The following RET variants were observed in gnomAD, a reference collection of about 807,000 sequenced individuals.
RET encodes proto-oncogene tyrosine-protein kinase receptor Ret.
Under a neutral mutation model 118.3 loss-of-function variants are expected in RET, and 19 were observed. The observed-to-expected ratio is 0.16, with a 90% confidence interval of 0.11 to 0.24. RET has a LOEUF of 0.24. Ranked by LOEUF, RET falls within the 10% of genes least tolerant of loss-of-function variation. The pLI, the probability that RET is intolerant of heterozygous loss-of-function variation, is 1.00. For synonymous variants in RET, 597 were observed against 644.1 expected, an observed-to-expected ratio of 0.93 and a Z score of 1.11; for missense variants, 1,219 against 1,502.1, an observed-to-expected ratio of 0.81 and a Z score of 3.12.
In RET at chr10:43,106,525, G is replaced by C; in HGVS notation, c.1017G>C (p.Ser339=). 2 of 1,613,780 alleles carry C rather than the reference G, an allele frequency of 1.2e-6. No homozygotes were observed. The highest frequency in any genetic ancestry group is 2.2e-5 in the South Asian group (2 of 91,062). Residue 339 remains serine, a synonymous_variant, in exon 5 of 20, where the codon TCG becomes TCC. Coordinates refer to ENST00000355710, the MANE Select transcript of RET (RefSeq NM_020975.6). The surrounding 1 kb of genome is among the most constrained non-coding windows in gnomAD (Gnocchi z 5.1). Reference sequence around the variant, plus strand: ...TGGAACACTGGCCCAACGAGACCTCGGTCCAGGCCAACGGCAGCTTCGTGC... The same window carrying C: ...TGGAACACTGGCCCAACGAGACCTCCGTCCAGGCCAACGGCAGCTTCGTGC... ...FRVEHWPNET[S]VQANGSFVRA...
Position 43,120,165 on chromosome 10 carries a change from G to T in RET, c.2692G>T (p.Asp898Tyr), listed in dbSNP as rs587780810. ...GATTTCGGATTTCGGCTTGTCCCGAGATGTTTATGAAGAGGATTCCTACGT... is the reference window on the plus strand; with the variant it reads ...GATTTCGGATTTCGGCTTGTCCCGATATGTTTATGAAGAGGATTCCTACGT... Reference protein sequence around the residue: ...MKISDFGLSRDVYEEDSYVKR... With the variant: ...MKISDFGLSRYVYEEDSYVKR... Residue 898 changes from aspartate (D) to tyrosine (Y), a missense_variant, in exon 15 of 20, where the codon GAT becomes TAT. Physicochemically the swap from Asp to Tyr is radical, Grantham distance 160. Coordinates refer to ENST00000355710, the MANE Select transcript of RET (RefSeq NM_020975.6). 4 of 1,613,700 alleles carry T rather than the reference G, an allele frequency of 2.5e-6. No individual in the cohort carries two copies. Among genetic ancestry groups the T allele is most frequent in the South Asian group, 1.1e-5 (1 of 91,046 alleles).
chr10:43,125,994 G>A (rs976191824), intron 18 of RET, among the ~76,000 whole-genome samples: 2 of 152,218 alleles, frequency 1.3e-5, no homozygotes, highest in African/African-American at 2.4e-5. Context: ...AGGAGCAGAC[G>A]CCAGTGGCCC....
At chr10:43,104,457 C>A (rs1472735373) in intron 3 of RET, among the ~76,000 whole-genome samples, 1 of 152,112 alleles carries the variant, frequency 6.6e-6, no homozygotes, top group Non-Finnish European at 1.5e-5. Flanking sequence ...TTGGAGGTTG[C>A]AGTGAGCCAA....
chr10:43,119,197 G>C (rs1236799723), intron 13 of RET, among the ~76,000 whole-genome samples: 1 of 152,198 alleles, frequency 6.6e-6, no homozygotes, highest in Non-Finnish European at 1.5e-5. Context: ...TCCCCAGCCT[G>C]CACTGGGGCA....
In RET at chr10:43,112,656, T is replaced by C. The variant is rs183314951; in HGVS notation, c.1649-197T>C. Among the ~76,000 whole-genome samples the C allele has an allele frequency of 8.6e-4, 131 of 152,256 alleles. 1 individual carries two copies. The East Asian group carries it at 0.023, about 27-fold the overall frequency. On this transcript the variant is annotated intron_variant, in intron 8 of 19. Coordinates refer to ENST00000355710, the MANE Select transcript of RET (RefSeq NM_020975.6). ...CTCTTTGCTGTAAGGGCCACCTGTG[T>C]GAGGAACCCCCCATACCTCCTCTCC...
At chr10:43,112,730 T>G in intron 8 of RET, 123 bp from the exon 9 acceptor site, 1 of 758,494 alleles carries the variant, frequency 1.3e-6, no homozygotes, top group South Asian at 1.5e-5. Flanking sequence ...GCTCTGTATA[T>G]GGTGTTTCCC....
rs997063564 is a variant in RET, at chr10:43,106,884, C to T, written c.1063+313C>T. ...CTGCAAACACACATGTCACCTGAGG[C>T]TTTCCTCCAGCCCCTGGCACTCCAT... On this transcript the variant is annotated intron_variant, in intron 5 of 19. Coordinates refer to ENST00000355710, the MANE Select transcript of RET (RefSeq NM_020975.6). The surrounding 1 kb of genome is among the most constrained non-coding windows in gnomAD (Gnocchi z 5.1). Among the ~76,000 whole-genome samples the T allele has an allele frequency of 6.6e-6, 1 of 152,234 alleles. No homozygotes were observed. Among genetic ancestry groups the T allele is most frequent in the Admixed American group, 6.5e-5 (1 of 15,290 alleles).
chr10:43,093,307 G>C (rs1460254214), intron 1 of RET, among the ~76,000 whole-genome samples: 2 of 152,170 alleles, frequency 1.3e-5, no homozygotes, highest in Non-Finnish European at 2.9e-5. Context: ...GTTGGACAGG[G>C]GTGGCAGAGG....
At chr10:43,091,365 A>G (rs1837406036) in intron 1 of RET, among the ~76,000 whole-genome samples, 1 of 151,916 alleles carries the variant, frequency 6.6e-6, no homozygotes, top group Non-Finnish European at 1.5e-5. Flanking sequence ...GCGGTGGCTC[A>G]CTCCTGTAAT....
chr10:43,099,557 TAAAA>T (rs1399152308), intron 1 of RET, among the ~76,000 whole-genome samples: 47 of 150,226 alleles, frequency 3.1e-4, no homozygotes, highest in African/African-American at 2.5e-4. Context: ...AATAAATAAA[TAAAA>T]ATTACATAGA....
intron 1 of RET, among the ~76,000 whole-genome samples, chr10:43,098,990 A>G (rs1837578221): frequency 1.3e-5 from 2 of 152,166 alleles, no homozygotes; most frequent in Non-Finnish European, 2.9e-5. Context: ...TGATAACTGT[A>G]TATTATTTTC....
chr10:43,089,099 C>T (rs1837356422), intron 1 of RET, among the ~76,000 whole-genome samples: 2 of 152,222 alleles, frequency 1.3e-5, no homozygotes, highest in African/African-American at 4.8e-5. Flanking sequence ...CCCCTTGGCC[C>T]CTCAGCCTGG....
Position 43,118,258 on chromosome 10 carries a change from C to G in RET, c.2285-115C>G, listed in dbSNP as rs370094559. The G allele has an allele frequency of 2.9e-4, 237 of 803,934 alleles. No individual in the cohort carries two copies. In the African/African-American group the frequency reaches 3.6e-3, roughly 12 times the overall value. The allele number at this position is 803,934 out of a possible 1,614,324, so 49.8% of individuals were successfully genotyped here. ...GAAGCCTCAAGCAGCATCGTCTTTG[C>G]AGGCCTCTCTGTCTGAACTTGGGCA... On this transcript the variant is annotated intron_variant, in intron 12 of 19. Coordinates refer to ENST00000355710, the MANE Select transcript of RET (RefSeq NM_020975.6).
chr10:43,080,986 A>G (rs958308794), intron 1 of RET, among the ~76,000 whole-genome samples: 2 of 152,142 alleles, frequency 1.3e-5, no homozygotes, highest in African/African-American at 4.8e-5. Flanking sequence ...GGCATCAGGG[A>G]TGGGGGTACA....
In RET at chr10:43,121,950, G is replaced by T. The variant is rs78347871; in HGVS notation, c.2735G>T (p.Arg912Leu). The T allele has an allele frequency of 5.0e-6, 8 of 1,611,686 alleles. No individual in the cohort carries two copies. Among genetic ancestry groups the T allele is most frequent in the Non-Finnish European group, 6.8e-6 (8 of 1,177,898 alleles). Residue 912 changes from arginine (R) to leucine (L), a missense_variant, in exon 16 of 20, where the codon CGG becomes CTG. By Grantham distance (102) the Arg-to-Leu change is moderately radical. Transcript: ENST00000355710. ...EDSYVKRSQG[R>L]IPVKWMAIES... ...TTTATTCCATCTTCTCTTTAGGGTC[G>T]GATTCCAGTTAAATGGATGGCAATT... is the stretch of plus-strand genomic sequence containing the variant.
At chr10:43,096,452 C>T (rs1274247515) in intron 1 of RET, among the ~76,000 whole-genome samples, 1 of 152,144 alleles carries the variant, frequency 6.6e-6, no homozygotes. Context: ...GCCACCCAGC[C>T]TTGCTGTTCT....
chr10:43,119,579 G>T lies in RET; in HGVS notation c.2441G>T (p.Gly814Val), dbSNP rs1838156188. 2 of 1,610,990 alleles carry T rather than the reference G, an allele frequency of 1.2e-6. No individual in the cohort carries two copies. Among genetic ancestry groups the T allele is most frequent in the South Asian group, 1.1e-5 (1 of 91,000 alleles). Residue 814 changes from glycine to valine, a missense_variant, in exon 14 of 20, where the codon GGC becomes GTC. Physicochemically the swap from Gly to Val is moderately radical, Grantham distance 109. Around this residue, in one of 5 missense-constraint regions of RET, gnomAD observed 850 missense variants for 969.6 expected, o/e 0.88. Coordinates refer to ENST00000355710, the MANE Select transcript of RET (RefSeq NM_020975.6). ...VEYAKYGSLR[G>V]FLRESRKVGP... is the part of the protein sequence containing the mutation. ...TACGCCAAATACGGCTCCCTGCGGG[G>T]CTTCCTCCGCGAGAGCCGCAAAGTG... is the stretch of plus-strand genomic sequence containing the variant.
At chr10:43,112,988 G>T in intron 9 of RET, 25 bp downstream of exon 9, 2 of 1,587,462 alleles carry the variant, frequency 1.3e-6, no homozygotes, top group Non-Finnish European at 1.7e-6. Context: ...ATCAGGGCAT[G>T]GGAACAGGTA....
intron 1 of RET, among the ~76,000 whole-genome samples, chr10:43,084,567 A>G (rs2435359): frequency 0.79 from 120,033 of 152,188 alleles, 48,402 homozygotes; most frequent in African/African-American, 0.95. Context: ...CTGTCTTGCC[A>G]TACAGCTGAC....
Sources: gnomAD v4.1 joint callset for allele counts (sites outside exome capture counted in the v4.1 genomes callset) on GRCh38, gnomAD v4.1.1 for gene constraint, gnomAD v4.1.1 regional missense constraint, Gnocchi (gnomAD v3.1) non-coding constraint, MANE v1.5 for transcripts, NCBI Gene and HGNC (gene_info 2026-07-23, HGNC 2026-07-21) for gene names.